DNAJB2: variants seen among roughly 807,000 people sequenced by gnomAD.
DNAJB2 encodes DnaJ heat shock protein family (Hsp40) member B2.
In DNAJB2, 19 loss-of-function variants were observed where a neutral mutation model predicts 33.3. The ratio of observed to expected loss-of-function variants is 0.57; its 90% CI spans 0.40 to 0.84. The LOEUF (loss-of-function observed/expected upper bound fraction) is 0.84. Among genes scored for constraint, DNAJB2 ranks in the 40% least tolerant of loss-of-function variants. DNAJB2 has a pLI of 0.00. For synonymous variants in DNAJB2, 172 were observed against 164.6 expected (o/e 1.04, Z -0.34); for missense variants, 368 against 430.9 (o/e 0.85, Z 1.29).
At chr2:219,282,464 T>C in intron 5 of DNAJB2, 1 of 341,582 alleles carries the variant, frequency 2.9e-6, no homozygotes, top group Non-Finnish European at 5.4e-6. Flanking sequence ...TGGGCAATTT[T>C]CTCCCCATTT....
rs761933904 is a variant in DNAJB2 at position 219,285,952 on chromosome 2, T to G, written c.*965T>G. The G allele has an allele frequency of 9.3e-6, 15 of 1,610,396 alleles. 1 individual carries two copies. Among genetic ancestry groups the G allele is most frequent in the East Asian group, 8.9e-5 (4 of 44,880 alleles). ...ATCCTCCACAGCTTGCCGCTGACGC[T>G]CTCTCCTGTCACCCCGCCCCTGCTC... On this transcript the variant is annotated 3_prime_UTR_variant, in exon 9 of 9. Coordinates refer to ENST00000336576, the MANE Select transcript of DNAJB2 (RefSeq NM_006736.6).
chr2:219,283,527 G>A, intron 8 of DNAJB2, 38 bp downstream of exon 8: 1 of 1,592,068 alleles, frequency 6.3e-7, no homozygotes, highest in Non-Finnish European at 8.6e-7. Context: ...CTGGCAGGAA[G>A]CCCCAGCCCC....
chr2:219,280,942 G>A (rs1371966402), intron 3 of DNAJB2: 1 of 491,054 alleles, frequency 2.0e-6, no homozygotes, highest in Non-Finnish European at 3.7e-6. Flanking sequence ...TGCGTGCCAG[G>A]CATTGGTGGG....
chr2:219,280,509 G>T (rs906501732), intron 2 of DNAJB2, 69 bp from the exon 3 acceptor site: 3 of 1,282,514 alleles, frequency 2.3e-6, no homozygotes, highest in African/African-American at 2.9e-5. Flanking sequence ...AAAACAGGTC[G>T]TTCGGTTCCT....
Position 219,285,974 on chromosome 2 carries a change from G to A in DNAJB2, c.*987G>A, listed in dbSNP as rs1951952076. 3 of 1,612,142 alleles carry A rather than the reference G, an allele frequency of 1.9e-6. No homozygotes were observed. In the South Asian group the frequency reaches 3.3e-5, roughly 18 times the overall value. The stretch of plus-strand genomic sequence containing the variant: ...CGCTCTCTCCTGTCACCCCGCCCCT[G>A]CTCTCTCCCCAGATGTGTTCTGAGC... On this transcript the variant is annotated 3_prime_UTR_variant, in exon 9 of 9. Coordinates refer to ENST00000336576, the MANE Select transcript of DNAJB2 (RefSeq NM_006736.6).
In DNAJB2 at chr2:219,279,752, G is replaced by A; in HGVS notation, c.-36-46G>A. 2 of 1,515,770 alleles carry A rather than the reference G, an allele frequency of 1.3e-6. No individual in the cohort carries two copies. Among genetic ancestry groups the A allele is most frequent in the South Asian group, 1.1e-5 (1 of 87,830 alleles). The allele number at this position is 1,515,770 out of a possible 1,614,324, so 93.9% of individuals were successfully genotyped here. ...GGGGAGGGGGACTGCTGCAGCCACA[G>A]GGTGGGGCTCTTGGTTCTTTCCGCC... On this transcript the variant is annotated intron_variant, in intron 1 of 8. Coordinates refer to ENST00000336576, the MANE Select transcript of DNAJB2 (RefSeq NM_006736.6). This position sits in a 1 kb window ranked among gnomAD's most constrained non-coding sequence, Gnocchi z 4.9.
rs768812947 is a variant in DNAJB2, at chr2:219,286,020, C to T, written c.*1033C>T. On this transcript the variant is annotated 3_prime_UTR_variant, in exon 9 of 9. Transcript: ENST00000336576. ...TGAGCTGGATGCCGGGTTCCAGAAT[C>T]GCTGCACAGTTCCAACAGGACAGCG... The T allele has an allele frequency of 2.4e-5, 38 of 1,612,282 alleles. No homozygotes were observed. Among genetic ancestry groups the T allele is most frequent in the Admixed American group, 3.3e-5 (2 of 59,964 alleles).
chr2:219,280,551 T>C, intron 2 of DNAJB2, 27 bp from the exon 3 acceptor site: 1 of 1,585,318 alleles, frequency 6.3e-7, no homozygotes, highest in Non-Finnish European at 8.7e-7. Flanking sequence ...GTCCCCCGAC[T>C]CTCTCCTCTG....
At chr2:219,281,839 C>T in intron 4 of DNAJB2, 68 bp downstream of exon 4, 1 of 1,612,288 alleles carries the variant, frequency 6.2e-7, no homozygotes, top group Non-Finnish European at 8.5e-7. Flanking sequence ...CAGATTCTTG[C>T]AATGGAGGCT....
intron 7 of DNAJB2, 86 bp from the exon 8 acceptor site, chr2:219,283,333 G>A (rs775571150): frequency 6.9e-6 from 11 of 1,604,892 alleles, no homozygotes; most frequent in East Asian, 2.2e-5. Flanking sequence ...CCCAGTCTGC[G>A]CTCTCTACTG....
chr2:219,279,988 G>A lies in DNAJB2; in HGVS notation c.65+90G>A. 1 of 1,461,074 alleles carries A rather than the reference G, an allele frequency of 6.8e-7. No individual in the cohort carries two copies. Among genetic ancestry groups the A allele is most frequent in the Non-Finnish European group, 9.5e-7 (1 of 1,053,518 alleles). 90.5% of individuals were successfully genotyped at this position (1,461,074 alleles called of 1,614,324 possible). On this transcript the variant is annotated intron_variant, in intron 2 of 8. Transcript: ENST00000336576. This position sits in a 1 kb window ranked among gnomAD's most constrained non-coding sequence, Gnocchi z 4.9. ...CAGAGTGACACCTGTAGGTGTCTGA[G>A]GGAACCAGGTCGTTAGAAAGCACTG...
rs1574899669 is a variant in DNAJB2, at chr2:219,280,924, G to T, written c.175+237G>T. ...GCAGGGCAGGTAACTCATGTGAGCT[G>T]AGCCTCCTGCGTGCCAGGCATTGGT... On this transcript the variant is annotated intron_variant, in intron 3 of 8. Coordinates refer to ENST00000336576, the MANE Select transcript of DNAJB2 (RefSeq NM_006736.6). 13 of 518,874 alleles carry T rather than the reference G, an allele frequency of 2.5e-5. No individual in the cohort carries two copies. In the East Asian group the frequency reaches 4.1e-4, roughly 17 times the overall value. The allele number at this position is 518,874 out of a possible 1,614,324, so 32.1% of individuals were successfully genotyped here. A position where few individuals can be genotyped will look rare whatever the true frequency, so the allele number is the denominator to read the frequency against.
At chr2:219,282,444 T>C (rs3770224) in intron 5 of DNAJB2, 104,684 of 344,328 alleles carry the variant, frequency 0.3, 22,820 homozygotes, top group African/African-American at 0.68. Context: ...CTCTAGTGAA[T>C]CCTGACAGGT....
At position 219,285,792 on chromosome 2, in the gene DNAJB2, C is replaced by G; in HGVS notation, c.*805C>G. The G allele has an allele frequency of 1.4e-6, 2 of 1,380,368 alleles. No individual in the cohort carries two copies. The highest frequency in any genetic ancestry group is 2.6e-5 in the East Asian group (1 of 38,616). 85.5% of individuals were successfully genotyped at this position (1,380,368 alleles called of 1,614,324 possible). ...CTAGGCAGAGGTGAGGCTGGCTCAC[C>G]CTGAAGAGGTGGGATAGGACCGGGG... On this transcript the variant is annotated 3_prime_UTR_variant, in exon 9 of 9. Transcript: ENST00000336576.
Position 219,285,503 on chromosome 2 carries a change from T to C in DNAJB2, c.*516T>C, listed in dbSNP as rs1951947154. On this transcript the variant is annotated 3_prime_UTR_variant, in exon 9 of 9. Transcript: ENST00000336576. ...ACCGTCTCTGTTGCTTCTCTTCTGG[T>C]GTTGCTTCTCCTCCCTCCCATTCTC... 17 of 1,008,634 alleles carry C rather than the reference T, an allele frequency of 1.7e-5. No individual in the cohort carries two copies. Among genetic ancestry groups the C allele is most frequent in the Non-Finnish European group, 1.9e-5 (16 of 844,920 alleles). 62.5% of individuals were successfully genotyped at this position (1,008,634 alleles called of 1,614,324 possible).
chr2:219,281,670 G>A (rs1951905094), intron 3 of DNAJB2, 48 bp from the exon 4 acceptor site: 11 of 1,612,506 alleles, frequency 6.8e-6, no homozygotes, highest in Non-Finnish European at 8.5e-6. Context: ...GCCTGGGAGG[G>A]GAGCCCATCC....
In DNAJB2 at chr2:219,284,993, G is replaced by A. The variant is rs747813409; in HGVS notation, c.*6G>A. ...CTCGCTGCCTCATCCTCTGAACACCGGGCCCAACCTGATCTGATCCAGATC... is the reference window on the plus strand; with the variant it reads ...CTCGCTGCCTCATCCTCTGAACACCAGGCCCAACCTGATCTGATCCAGATC... On this transcript the variant is annotated 3_prime_UTR_variant, in exon 9 of 9. Coordinates refer to ENST00000336576, the MANE Select transcript of DNAJB2 (RefSeq NM_006736.6). 8.7e-6 allele frequency: 13 copies of A among 1,487,326 alleles called. No individual in the cohort carries two copies. The highest frequency in any genetic ancestry group is 4.9e-5 in the Admixed American group (2 of 41,112). 92.1% of individuals were successfully genotyped at this position (1,487,326 alleles called of 1,614,324 possible).
At chr2:219,282,956 C>T (rs1387887527) in intron 6 of DNAJB2, 27 bp downstream of exon 6, 3 of 1,567,906 alleles carry the variant, frequency 1.9e-6, no homozygotes, top group Admixed American at 3.8e-5. Flanking sequence ...CCCACGTTTG[C>T]AAGCTCCGAT....
Position 219,283,465 on chromosome 2 carries a change from C to A in DNAJB2, c.595C>A (p.Gln199Lys). 3.1e-6 allele frequency: 5 copies of A among 1,614,008 alleles called. No individual in the cohort carries two copies. Among genetic ancestry groups the A allele is most frequent in the Non-Finnish European group, 3.4e-6 (4 of 1,179,950 alleles). Residue 199 changes from glutamine to lysine, a missense_variant, in exon 8 of 9, where the codon CAG becomes AAG. By Grantham distance (53) the Gln-to-Lys change is moderately conservative. Coordinates refer to ENST00000336576, the MANE Select transcript of DNAJB2 (RefSeq NM_006736.6). ...QERVEVEEDGQLKSVTINGVP... is the reference protein window; with the variant it reads ...QERVEVEEDGKLKSVTINGVP... ...GCGGGTGGAAGTGGAGGAGGATGGG[C>A]AGCTGAAGTCAGTCACAATCAATGG...
Sources: allele counts gnomAD v4.1 joint callset, GRCh38; gene constraint gnomAD v4.1.1; non-coding constraint Gnocchi (gnomAD v3.1); transcripts MANE v1.5; gene names NCBI Gene and HGNC (gene_info 2026-07-23, HGNC 2026-07-21).